The following MEIG1 variants were observed in gnomAD, a reference collection of about 807,000 sequenced individuals.
The protein encoded by MEIG1 is meiosis expressed gene 1 protein homolog.
MEIG1 carries 12 observed loss-of-function variants against 11.3 expected under a neutral mutation model. The observed-to-expected ratio is 1.07, with a 90% CI of 0.68 to 1.73. MEIG1 has a LOEUF of 1.73. Ranked by LOEUF, MEIG1 falls within the 40% of genes most tolerant of loss-of-function variation. MEIG1 has a pLI of 0.00. For missense variants in MEIG1, 119 were observed against 104.9 expected (o/e 1.13, Z -0.59); for synonymous variants, 41 against 33.2 (o/e 1.24, Z -0.81).
At position 14,972,829 on chromosome 10, in the gene MEIG1, G is replaced by GTACAA; in HGVS notation, c.*188_*189insTACAA. On this transcript the variant is annotated 3_prime_UTR_variant, in exon 3 of 3. Transcript: ENST00000407572. ...CCTGTTCTAAGAACTGGCTGCAGATGCATTAAAGTTGTACTTTCTTGGTCC... is the reference window on the plus strand; with the variant it reads ...CCTGTTCTAAGAACTGGCTGCAGATGTACAACATTAAAGTTGTACTTTCTTGGTCC... 1.9e-6 allele frequency: 1 copy of GTACAA among 525,514 alleles called. No individual in the cohort carries two copies. The highest frequency in any genetic ancestry group is 2.0e-5 in the African/African-American group (1 of 51,076). The allele number at this position is 525,514 out of a possible 1,614,324, so 32.6% of individuals were successfully genotyped here.
chr10:14,984,055 A>G (rs1035431810), intron 1 of MEIG1, among the ~76,000 whole-genome samples: 5 of 152,082 alleles, frequency 3.3e-5, no homozygotes, highest in Admixed American at 3.3e-4. Context: ...TACGGCAAAG[A>G]GTGCAGAGGA....
chr10:14,972,525 C>T lies in MEIG1; in HGVS notation c.151C>T (p.Pro51Ser), dbSNP rs968449120. 1 of 1,613,804 alleles carries T rather than the reference C, an allele frequency of 6.2e-7. No homozygotes were observed. Among genetic ancestry groups the T allele is most frequent in the African/African-American group, 1.3e-5 (1 of 74,886 alleles). Residue 51 changes from proline (P) to serine (S), a missense_variant, in exon 3 of 3, where the codon CCG (proline) becomes TCG (serine). Pro to Ser is a moderately conservative substitution (Grantham distance 74). Coordinates refer to ENST00000407572, the MANE Select transcript of MEIG1 (RefSeq NM_001080836.3). ...VKQVSMVDRW[P>S]ETGYVKKLQR... ...TCTTGATGTGCAGGTAGATCGTTGG[C>T]CGGAGACAGGATATGTGAAGAAACT...
chr10:14,954,416 A>T (rs1337309374), upstream of MEIG1: 1 of 315,904 alleles, frequency 3.2e-6, no homozygotes, highest in Non-Finnish European at 6.3e-6. Flanking sequence ...TGCGCTTAGA[A>T]ATCATTCTTC....
At chr10:14,954,323 C>G in the MEIG1 span, 1 of 471,668 alleles carries the variant, frequency 2.1e-6, no homozygotes, top group Non-Finnish European at 3.9e-6. Context: ...TTGCCCATGT[C>G]TGTGGAGGTG....
chr10:14,964,635 A>ATTTTTTT (rs1564504045), intron 1 of MEIG1, among the ~76,000 whole-genome samples: 1 of 43,206 alleles, frequency 2.3e-5, no homozygotes, highest in Admixed American at 2.7e-4. Flanking sequence ...ATATATGTAT[A>ATTTTTTT]CTTTTTTTTT....
chr10:14,980,356 G>A (rs1843251218), intron 1 of MEIG1, among the ~76,000 whole-genome samples: 1 of 152,094 alleles, frequency 6.6e-6, no homozygotes, highest in Non-Finnish European at 1.5e-5. Context: ...ATCACAGAGA[G>A]TGTACAATCT....
upstream of MEIG1, among the ~76,000 whole-genome samples, chr10:14,956,953 G>T (rs1842958991): frequency 6.6e-6 from 1 of 152,152 alleles, no homozygotes; most frequent in Non-Finnish European, 1.5e-5. Flanking sequence ...CTACTTGGGA[G>T]CTGAGGCACA....
chr10:14,983,802 A>AG (rs919718012), intron 1 of MEIG1, among the ~76,000 whole-genome samples: 4 of 151,978 alleles, frequency 2.6e-5, no homozygotes, highest in South Asian at 2.1e-4. Flanking sequence ...TAATATTCCA[A>AG]GGGGGAGAGG....
At chr10:14,986,058 C>T (rs554008914) in intron 1 of MEIG1, among the ~76,000 whole-genome samples, 9 of 152,238 alleles carry the variant, frequency 5.9e-5, no homozygotes, top group East Asian at 1.9e-4. Context: ...TGTGTATACT[C>T]TGTGACAGTA....
At chr10:14,985,530 A>G (rs1843310229) in intron 1 of MEIG1, among the ~76,000 whole-genome samples, 1 of 151,730 alleles carries the variant, frequency 6.6e-6, no homozygotes, top group African/African-American at 2.4e-5. Flanking sequence ...TACGTATTCA[A>G]TGCTTGTGAT....
chr10:14,971,680 G>A lies in MEIG1; in HGVS notation c.139-833G>A, dbSNP rs150351989. On this transcript the variant is annotated intron_variant, in intron 2 of 2. Transcript: ENST00000407572. ...ATCAGCAGGCAGCACTTACAAAATGGAGCCTGGGCTTAGCCCTAATTTCCT... is the reference window on the plus strand; with the variant it reads ...ATCAGCAGGCAGCACTTACAAAATGAAGCCTGGGCTTAGCCCTAATTTCCT... 1.5e-3 allele frequency among the ~76,000 whole-genome samples: 227 copies of A among 152,322 alleles called. 2 individuals are homozygous for A. Among genetic ancestry groups the A allele is most frequent in the East Asian group, 2.5e-3 (13 of 5,190 alleles).
At chr10:14,965,707 A>T (rs907927757) in intron 1 of MEIG1, among the ~76,000 whole-genome samples, 2 of 21,306 alleles carry the variant, frequency 9.4e-5, no homozygotes, top group Non-Finnish European at 2.7e-4. Context: ...AGAGAGAGAG[A>T]GAGAGAGAGG....
the MEIG1 span, chr10:14,954,257 G>A: frequency 1.6e-6 from 1 of 611,100 alleles, no homozygotes; most frequent in East Asian, 2.9e-5. Context: ...CCTGAGCCCT[G>A]CCCAGTGCAA....
chr10:14,958,041 G>GA (rs1226332388), upstream of MEIG1, among the ~76,000 whole-genome samples: 2 of 152,058 alleles, frequency 1.3e-5, no homozygotes, highest in Admixed American at 6.6e-5. Context: ...GTAATTACCA[G>GA]AAAAAAGAAA....
intron 1 of MEIG1, among the ~76,000 whole-genome samples, chr10:14,980,681 G>C (rs1843254008): frequency 6.6e-6 from 1 of 152,108 alleles, no homozygotes; most frequent in Admixed American, 6.6e-5. Flanking sequence ...CTATGTCTCT[G>C]GTTGGAAACC....
At chr10:14,955,078 C>T (rs1415664219), upstream of MEIG1, among the ~76,000 whole-genome samples, 1 of 152,204 alleles carries the variant, frequency 6.6e-6, no homozygotes, top group African/African-American at 2.4e-5. Context: ...ACTACAGGCA[C>T]GCGCCGCCAC....
At chr10:14,984,063 G>C (rs1589216261) in intron 1 of MEIG1, among the ~76,000 whole-genome samples, 1 of 152,186 alleles carries the variant, frequency 6.6e-6, no homozygotes, top group Non-Finnish European at 1.5e-5. Context: ...AGAGTGCAGA[G>C]GATGTACACC....
At position 14,959,565 on chromosome 10, in the gene MEIG1, G is replaced by A. The variant is rs1431307529; in HGVS notation, c.-30+8G>A. 6.6e-6 allele frequency: 1 copy of A among 152,298 alleles called. No homozygotes were observed. The highest frequency in any genetic ancestry group is 1.5e-5 in the Non-Finnish European group (1 of 68,080). The allele number at this position is 152,298 out of a possible 1,614,324, so 9.4% of individuals were successfully genotyped here. A position where few individuals can be genotyped will look rare whatever the true frequency, so the allele number is the denominator to read the frequency against. ...GTAGAGCCGGACCCAGGGGTGGGTG[G>A]ATGCGTCGCTGGAGGCGAGGGCCCT... is the stretch of plus-strand genomic sequence containing the variant. On this transcript the variant is annotated splice_region_variant and intron_variant, in intron 1 of 2. Coordinates refer to ENST00000407572, the MANE Select transcript of MEIG1 (RefSeq NM_001080836.3).
intron 1 of MEIG1, among the ~76,000 whole-genome samples, chr10:14,985,300 A>T (rs973588590): frequency 6.6e-6 from 1 of 151,920 alleles, no homozygotes; most frequent in Non-Finnish European, 1.5e-5. Context: ...TCCTGGCGGG[A>T]TGTTACTACT....
Sources: gnomAD v4.1 joint callset for allele counts (sites outside exome capture counted in the v4.1 genomes callset) on GRCh38, gnomAD v4.1.1 for gene constraint, MANE v1.5 for transcripts, NCBI Gene and HGNC (gene_info 2026-07-23, HGNC 2026-07-21) for gene names.